Variants in WDR76 observed in about 807,000 individuals in gnomAD.
WDR76 encodes the protein WD repeat domain 76.
A neutral mutation model predicts 70.2 loss-of-function variants in WDR76; 52 were observed. The observed-to-expected ratio is 0.74, with a 90% CI of 0.59 to 0.93. The LOEUF is 0.93. WDR76 is among the 40% of genes least tolerant of loss of function. The pLI is 0.00. For synonymous variants in WDR76, 292 were observed against 271.1 expected, an observed-to-expected ratio of 1.08 and a Z score of -0.76; for missense variants, 756 against 760.2, an observed-to-expected ratio of 0.99 and a Z score of 0.07.
At chr15:43,863,020 C>G (rs1215710445) in intron 12 of WDR76, among the ~76,000 whole-genome samples, 1 of 152,164 alleles carries the variant, frequency 6.6e-6, no homozygotes, top group African/African-American at 2.4e-5. Context: ...ACTGCAGCCT[C>G]CGCCTCCTGG....
At chr15:43,858,619 A>G in intron 10 of WDR76, 52 bp from the exon 11 acceptor site, 1 of 1,592,842 alleles carries the variant, frequency 6.3e-7, no homozygotes, top group Non-Finnish European at 8.6e-7. Context: ...CCTGTTGTAG[A>G]GGTTCATTAC....
In WDR76 at chr15:43,860,910, CTTTTTTTTTT is replaced by C. The variant is rs34504509; in HGVS notation, c.1563-406_1563-397del. On this transcript the variant is annotated intron_variant, in intron 11 of 12. Coordinates refer to ENST00000263795, the MANE Select transcript of WDR76 (RefSeq NM_024908.4). ...AGATTTGTTAGCGCCTGATCTTACT[CTTTTTTTTTT>C]TTTTTTTTTTTTTTTTGTAGACAAG... 2.8e-4 allele frequency among the ~76,000 whole-genome samples: 22 copies of C among 79,020 alleles called. No individual in the cohort carries two copies. The East Asian group carries it at 2.9e-3, about 11-fold the overall frequency. 51.8% of individuals were successfully genotyped at this position (79,020 alleles called of 152,430 possible).
At chr15:43,834,625 T>C (rs1408306953) in intron 2 of WDR76, among the ~76,000 whole-genome samples, 1 of 152,072 alleles carries the variant, frequency 6.6e-6, no homozygotes, top group Non-Finnish European at 1.5e-5. Context: ...TTTTATATTT[T>C]TAGTAGAGAT....
chr15:43,859,183 A>T (rs1430312284), intron 11 of WDR76, among the ~76,000 whole-genome samples: 1 of 152,194 alleles, frequency 6.6e-6, no homozygotes, highest in Admixed American at 6.5e-5. Context: ...GAAGTGCTGA[A>T]TGGAAATTGC....
At chr15:43,857,585 T>C (rs1415901010) in intron 10 of WDR76, 1 of 940,692 alleles carries the variant, frequency 1.1e-6, no homozygotes, top group African/African-American at 1.8e-5. Context: ...TTTGGGAGGC[T>C]GAGGCAGGCA....
intron 12 of WDR76, among the ~76,000 whole-genome samples, chr15:43,865,236 C>G (rs1039335624): frequency 1.3e-5 from 2 of 151,778 alleles, no homozygotes; most frequent in African/African-American, 4.8e-5. Context: ...GCTGGGATTA[C>G]AGGCAAGCAC....
In WDR76 at chr15:43,827,963, A is replaced by C. The variant is rs762895423; in HGVS notation, c.61-2A>C. 4 of 1,599,832 alleles carry C rather than the reference A, an allele frequency of 2.5e-6. No homozygotes were observed. Among genetic ancestry groups the C allele is most frequent in the Non-Finnish European group, 3.4e-6 (4 of 1,175,502 alleles). The stretch of plus-strand genomic sequence containing the variant: ...TCTGTTTTCTTTTATTGATCTGAAT[A>C]GGTAAATGAATATAAAGAAAATCAA... On this transcript the variant is annotated splice_acceptor_variant, in intron 1 of 12. Transcript: ENST00000263795. LOFTEE classifies it high-confidence loss of function.
intron 11 of WDR76, among the ~76,000 whole-genome samples, chr15:43,860,681 T>A (rs2087984855): frequency 6.6e-6 from 1 of 150,838 alleles, no homozygotes; most frequent in Non-Finnish European, 1.5e-5. Flanking sequence ...TTTTTTTAAA[T>A]TTTTTTTTGT....
chr15:43,860,708 T>A (rs2140313011), intron 11 of WDR76, among the ~76,000 whole-genome samples: 1 of 151,996 alleles, frequency 6.6e-6, no homozygotes, highest in Middle Eastern at 3.4e-3. Flanking sequence ...AGGGTCTCAC[T>A]ATATTGCCCA....
At chr15:43,848,082 CAAAA>C (rs56937893) in intron 8 of WDR76, among the ~76,000 whole-genome samples, 1 of 146,786 alleles carries the variant, frequency 6.8e-6, no homozygotes, top group Non-Finnish European at 1.5e-5. Context: ...AACAAACAAA[CAAAA>C]AAAAAACTGG....
At chr15:43,832,712 C>T (rs2087604936) in intron 2 of WDR76, among the ~76,000 whole-genome samples, 1 of 142,968 alleles carries the variant, frequency 7.0e-6, no homozygotes, top group Non-Finnish European at 1.5e-5. Flanking sequence ...GCTTGGATTA[C>T]AGGCATGAGC....
rs150791634 is a variant in WDR76, at chr15:43,838,232, C to A, written c.609-1373C>A. On this transcript the variant is annotated intron_variant, in intron 4 of 12. Coordinates refer to ENST00000263795, the MANE Select transcript of WDR76 (RefSeq NM_024908.4). ...ACAGAGTCTTGCTCTGTTGCCCAGGCTGGAGTACAGTGGTGTAATCTTGGC... is the reference window on the plus strand; with the variant it reads ...ACAGAGTCTTGCTCTGTTGCCCAGGATGGAGTACAGTGGTGTAATCTTGGC... Among the ~76,000 whole-genome samples, 332 of 152,056 alleles carry A rather than the reference C, an allele frequency of 2.2e-3. 2 individuals are homozygous for A. The highest frequency in any genetic ancestry group is 7.5e-3 in the African/African-American group (309 of 41,468).
intron 3 of WDR76, 81 bp downstream of exon 3, chr15:43,835,231 C>A: frequency 2.3e-6 from 3 of 1,332,134 alleles, no homozygotes; most frequent in Non-Finnish European, 2.1e-6. Context: ...CTTGGGGAGG[C>A]TGACATGGGA....
At chr15:43,859,695 G>A (rs781428477) in intron 11 of WDR76, among the ~76,000 whole-genome samples, 1 of 152,104 alleles carries the variant, frequency 6.6e-6, no homozygotes. Flanking sequence ...CCAGGATCCC[G>A]TTTCCACTCA....
Position 43,857,132 on chromosome 15 carries a change from C to G in WDR76, c.1378C>G (p.His460Asp). 1 of 1,613,906 alleles carries G rather than the reference C, an allele frequency of 6.2e-7. No homozygotes were observed. The highest frequency in any genetic ancestry group is 8.5e-7 in the Non-Finnish European group (1 of 1,179,940). ...KIRTVHVHPV[H>D]RQYFITAGLR... Reference sequence around the variant, plus strand: ...AAGAACTGTTCATGTCCACCCAGTGCATAGACAGTATTTTATCACTGCCGG... The same window carrying G: ...AAGAACTGTTCATGTCCACCCAGTGGATAGACAGTATTTTATCACTGCCGG... The change falls in exon 10 of 13, where the codon CAT becomes GAT. Residue 460 changes from histidine to aspartate, a missense_variant. His to Asp is a moderately conservative substitution (Grantham distance 81). Transcript: ENST00000263795.
intron 9 of WDR76, among the ~76,000 whole-genome samples, chr15:43,856,284 A>G (rs554994978): frequency 1.3e-5 from 2 of 152,164 alleles, no homozygotes; most frequent in Admixed American, 6.5e-5. Context: ...GTCAAAAAGT[A>G]TAAGCATTAA....
intron 2 of WDR76, among the ~76,000 whole-genome samples, chr15:43,831,373 A>T (rs1244843187): frequency 6.6e-6 from 1 of 151,956 alleles, no homozygotes; most frequent in Non-Finnish European, 1.5e-5. Context: ...TCCTGGGCTC[A>T]AGCAGGCTGC....
At chr15:43,851,009 A>T (rs1025098418) in intron 8 of WDR76, 78 bp from the exon 9 acceptor site, 45 of 1,529,716 alleles carry the variant, frequency 2.9e-5, no homozygotes, top group Non-Finnish European at 3.9e-5. Context: ...AAATTCTTTA[A>T]TGACATAATA....
intron 10 of WDR76, 119 bp downstream of exon 10, chr15:43,857,282 C>A: frequency 9.0e-7 from 1 of 1,113,618 alleles, no homozygotes; most frequent in Non-Finnish European, 1.2e-6. Flanking sequence ...TTGTAATACC[C>A]AAAGGCCAAG....
Sources: allele counts gnomAD v4.1 joint callset (sites outside exome capture counted in the v4.1 genomes callset), GRCh38; gene constraint gnomAD v4.1.1; transcripts MANE v1.5; gene names NCBI Gene and HGNC (gene_info 2026-07-23, HGNC 2026-07-21).